Variants in AUTS2 observed in about 807,000 individuals in gnomAD.
The protein encoded by AUTS2 is activator of transcription and developmental regulator AUTS2.
AUTS2 carries 17 observed loss-of-function variants against 112.4 expected under a neutral mutation model. That is an observed-to-expected ratio of 0.15 (90% CI 0.10 to 0.23). The LOEUF is 0.23. Ranked by LOEUF, AUTS2 falls within the 10% of genes least tolerant of loss-of-function variation. The pLI, the probability that AUTS2 is intolerant of heterozygous loss-of-function variation, is 1.00. For synonymous variants in AUTS2, 751 were observed against 702.7 expected (o/e 1.07, Z -1.09); for missense variants, 1,510 against 1,701.6 (o/e 0.89, Z 1.98).
intron 6 of AUTS2, among the ~76,000 whole-genome samples, chr7:70,700,814 G>A (rs1339546835): frequency 6.6e-6 from 1 of 152,148 alleles, no homozygotes; most frequent in Non-Finnish European, 1.5e-5. Flanking sequence ...AGGATGAATG[G>A]CTGACAAGGC....
chr7:69,892,034 A>G (rs1232930581), intron 1 of AUTS2, among the ~76,000 whole-genome samples: 1 of 151,660 alleles, frequency 6.6e-6, no homozygotes, highest in East Asian at 1.9e-4. Context: ...CTTGTGATCC[A>G]TCTGCCCTGG....
intron 1 of AUTS2, among the ~76,000 whole-genome samples, chr7:69,720,339 A>G (rs1420951406): frequency 2.0e-5 from 3 of 152,188 alleles, no homozygotes; most frequent in Non-Finnish European, 1.5e-5. Context: ...TGGTGGTTAA[A>G]TATAATATTC....
chr7:70,393,131 T>A (rs906438234), intron 4 of AUTS2, among the ~76,000 whole-genome samples: 1 of 152,242 alleles, frequency 6.6e-6, no homozygotes, highest in East Asian at 1.9e-4. Flanking sequence ...CTCCTCTGTC[T>A]GGGGTGTGCA....
intron 2 of AUTS2, among the ~76,000 whole-genome samples, chr7:70,034,809 G>A (rs113434069): frequency 2.6e-5 from 4 of 152,228 alleles, no homozygotes; most frequent in African/African-American, 9.6e-5. Context: ...GAGTGTGAGT[G>A]TCATACTCAG....
chr7:70,055,324 C>T lies in AUTS2; in HGVS notation c.523-62808C>T, dbSNP rs566949683. Among the ~76,000 whole-genome samples the T allele has an allele frequency of 7.0e-4, 106 of 152,176 alleles. 1 individual carries two copies. Among genetic ancestry groups the T allele is most frequent in the African/African-American group, 2.4e-3 (99 of 41,524 alleles). ...TGGCACATGCCTGTAATCCCAGCTA[C>T]GTGGGAGGCTGAGGCAGGAGAAGCG... On this transcript the variant is annotated intron_variant, in intron 2 of 18. Coordinates refer to ENST00000342771, the MANE Select transcript of AUTS2 (RefSeq NM_015570.4).
chr7:70,209,711 A>C (rs965335075), intron 4 of AUTS2, among the ~76,000 whole-genome samples: 2 of 152,186 alleles, frequency 1.3e-5, no homozygotes, highest in African/African-American at 4.8e-5. Flanking sequence ...AGTACTGTGA[A>C]GTTGAATATG....
rs575761682 is a variant in AUTS2, at chr7:69,874,656, A to ATTTTTTT, written c.310-24626_310-24620dup. 2.8e-3 allele frequency among the ~76,000 whole-genome samples: 420 copies of ATTTTTTT among 149,450 alleles called. 5 individuals are homozygous for ATTTTTTT. The highest frequency in any genetic ancestry group is 1.0e-2 in the African/African-American group (406 of 40,738). On this transcript the variant is annotated intron_variant, in intron 1 of 18. Transcript: ENST00000342771. Reference sequence around the variant, plus strand: ...GGTGTCAGCCCCAGGCATTGCATCTATTTTTTTTTTCCAAGTTGTGGAGAC... The same window carrying ATTTTTTT: ...GGTGTCAGCCCCAGGCATTGCATCTATTTTTTTTTTTTTTTTTCCAAGTTGTGGAGAC...
intron 1 of AUTS2, among the ~76,000 whole-genome samples, chr7:69,757,998 G>A (rs1788010820): frequency 6.6e-6 from 1 of 152,212 alleles, no homozygotes. Context: ...ACTTAACTAG[G>A]TCAGCCTAGG....
At chr7:70,610,350 A>G (rs1386255187) in intron 5 of AUTS2, among the ~76,000 whole-genome samples, 1 of 149,992 alleles carries the variant, frequency 6.7e-6, no homozygotes, top group Admixed American at 6.6e-5. Context: ...TAATGGCTGT[A>G]CCAAGTTAAA....
At chr7:70,044,494 TAATA>T (rs1262474690) in intron 2 of AUTS2, among the ~76,000 whole-genome samples, 1 of 152,160 alleles carries the variant, frequency 6.6e-6, no homozygotes, top group Non-Finnish European at 1.5e-5. Flanking sequence ...ACTGAGTAAA[TAATA>T]TAATCCAGCG....
At chr7:70,307,997 T>C (rs1446629578) in intron 4 of AUTS2, among the ~76,000 whole-genome samples, 1 of 152,216 alleles carries the variant, frequency 6.6e-6, no homozygotes, top group Non-Finnish European at 1.5e-5. Flanking sequence ...TCTGCCTGCA[T>C]GTTGCTAAAA....
At chr7:70,381,267 A>G (rs1329615553) in intron 4 of AUTS2, among the ~76,000 whole-genome samples, 1 of 152,220 alleles carries the variant, frequency 6.6e-6, no homozygotes, top group African/African-American at 2.4e-5. Flanking sequence ...CAATAATGCA[A>G]TAGTGAAGAA....
At chr7:70,711,532 G>T (rs1489110214) in intron 6 of AUTS2, among the ~76,000 whole-genome samples, 3 of 152,190 alleles carry the variant, frequency 2.0e-5, no homozygotes, top group African/African-American at 7.2e-5. Flanking sequence ...AACAAACCCT[G>T]GGCGCCGAGC....
At chr7:70,773,570 C>T (rs1485319564) in intron 11 of AUTS2, among the ~76,000 whole-genome samples, 8 of 152,134 alleles carry the variant, frequency 5.3e-5, no homozygotes, top group Non-Finnish European at 8.8e-5. Context: ...CCAGTTAAAA[C>T]GGAGAGCTTA....
intron 1 of AUTS2, among the ~76,000 whole-genome samples, chr7:69,815,952 G>C (rs772071384): frequency 6.6e-6 from 1 of 152,198 alleles, no homozygotes; most frequent in South Asian, 2.1e-4. Flanking sequence ...ATGACTTCCT[G>C]TTGGAAGCAG....
intron 1 of AUTS2, among the ~76,000 whole-genome samples, chr7:69,671,665 A>G (rs1796336356): frequency 6.6e-6 from 1 of 152,090 alleles, no homozygotes; most frequent in East Asian, 1.9e-4. Flanking sequence ...TGGTATGGCT[A>G]TTGAATAAAA....
At chr7:70,438,012 C>T (rs1795967532) in intron 5 of AUTS2, among the ~76,000 whole-genome samples, 1 of 152,064 alleles carries the variant, frequency 6.6e-6, no homozygotes, top group African/African-American at 2.4e-5. Flanking sequence ...AGTGCCTGGG[C>T]CTCATCCCAG....
At chr7:70,141,891 T>C (rs1806884108) in intron 4 of AUTS2, among the ~76,000 whole-genome samples, 1 of 152,210 alleles carries the variant, frequency 6.6e-6, no homozygotes, top group Non-Finnish European at 1.5e-5. Flanking sequence ...TACAACAGGA[T>C]GACTTTTCCA....
intron 1 of AUTS2, among the ~76,000 whole-genome samples, chr7:69,798,518 A>G (rs544125721): frequency 6.6e-6 from 1 of 151,930 alleles, no homozygotes; most frequent in Non-Finnish European, 1.5e-5. Context: ...TTTGTTATGT[A>G]TCTTTTCTAG....
Sources: allele counts gnomAD v4.1 joint callset (sites outside exome capture counted in the v4.1 genomes callset), GRCh38; gene constraint gnomAD v4.1.1; transcripts MANE v1.5; gene names NCBI Gene and HGNC (gene_info 2026-07-23, HGNC 2026-07-21).